RUFY3: variants seen among roughly 807,000 people sequenced by gnomAD.
RUFY3 encodes RUN and FYVE domain containing 3.
A neutral mutation model predicts 84.0 loss-of-function variants in RUFY3; 34 were observed. The observed-to-expected ratio is 0.40, with a 90% CI of 0.31 to 0.54. The LOEUF is 0.54. Ranked by LOEUF, RUFY3 falls within the 20% of genes least tolerant of loss-of-function variation. The pLI, the probability that RUFY3 is intolerant of heterozygous loss-of-function variation, is 0.39. For missense variants in RUFY3, 507 were observed against 736.8 expected, an observed-to-expected ratio of 0.69 and a Z score of 3.61; for synonymous variants, 242 against 252.9, an observed-to-expected ratio of 0.96 and a Z score of 0.41.
At position 70,763,592 on chromosome 4, in the gene RUFY3, G is replaced by T; in HGVS notation, c.393G>T (p.Gly131=). The change falls in exon 3 of 18, where the codon GGG becomes GGT. Residue 131 remains glycine, a synonymous_variant. Coordinates refer to ENST00000381006, the MANE Select transcript of RUFY3 (RefSeq NM_001037442.4). Reference sequence around the variant, plus strand: ...TCGGACAAAATAAATCCTTCTGGGGGCCTCTAGAACTGGTAGAAAAGCTTG... The same window carrying T: ...TCGGACAAAATAAATCCTTCTGGGGTCCTCTAGAACTGGTAGAAAAGCTTG... The part of the protein sequence containing the change: ...TFLGQNKSFW[G]PLELVEKLVP... The T allele has an allele frequency of 6.2e-7, 1 of 1,612,658 alleles. No individual in the cohort carries two copies. Among genetic ancestry groups the T allele is most frequent in the South Asian group, 1.1e-5 (1 of 90,804 alleles).
chr4:70,780,539 C>T (rs987799018), intron 8 of RUFY3, among the ~76,000 whole-genome samples: 2 of 152,098 alleles, frequency 1.3e-5, no homozygotes, highest in Non-Finnish European at 2.9e-5. Flanking sequence ...GTGATCCACC[C>T]GCCTCGGCCT....
chr4:70,733,137 G>GGAGAGAGAGAGAGAGA, intron 1 of RUFY3, among the ~76,000 whole-genome samples: 1 of 86,632 alleles, frequency 1.2e-5, no homozygotes, highest in Non-Finnish European at 2.2e-5. Context: ...AGGGAGGGAG[G>GGAGAGAGAGAGAGAGA]GAGAGAGAGA....
At chr4:70,714,331 A>G (rs1281409540) in intron 1 of RUFY3, among the ~76,000 whole-genome samples, 1 of 152,242 alleles carries the variant, frequency 6.6e-6, no homozygotes, top group Non-Finnish European at 1.5e-5. Flanking sequence ...AAGAGTCACC[A>G]ATCTGATAGA....
chr4:70,792,062 T>G (rs1215030222), intron 12 of RUFY3: 8 of 985,554 alleles, frequency 8.1e-6, no homozygotes, highest in Non-Finnish European at 9.6e-6. Context: ...GCCGTTTTCC[T>G]GCAATTCCGC....
chr4:70,770,264 C>T (rs1055665123), intron 5 of RUFY3, among the ~76,000 whole-genome samples: 3 of 152,220 alleles, frequency 2.0e-5, no homozygotes, highest in Non-Finnish European at 2.9e-5. Context: ...TCAGTCTGTC[C>T]TTTGCAGCTT....
chr4:70,753,146 G>A (rs1183499301), intron 1 of RUFY3, among the ~76,000 whole-genome samples: 1 of 152,048 alleles, frequency 6.6e-6, no homozygotes, highest in Non-Finnish European at 1.5e-5. Context: ...CTAAGAAATT[G>A]TCCATTTTGT....
intron 6 of RUFY3, among the ~76,000 whole-genome samples, chr4:70,774,644 A>AAAAATATATAT (rs1553916771): frequency 1.2e-4 from 7 of 56,676 alleles, no homozygotes; most frequent in African/African-American, 1.7e-4. Context: ...AAAAAAAAAA[A>AAAAATATATAT]ATATATATAT....
At chr4:70,737,688 T>G (rs1048931959) in intron 1 of RUFY3, among the ~76,000 whole-genome samples, 3 of 151,366 alleles carry the variant, frequency 2.0e-5, no homozygotes, top group Non-Finnish European at 4.4e-5. Context: ...TTTTTTTTTT[T>G]TTTTTTGAGA....
At chr4:70,717,944 G>A (rs1296050252), upstream of RUFY3, among the ~76,000 whole-genome samples, 9 of 143,756 alleles carry the variant, frequency 6.3e-5, no homozygotes, top group South Asian at 2.2e-4. Context: ...GTGCAGTGGC[G>A]CGATCTTGGC....
At chr4:70,769,719 TTGC>T (rs1265523965) in intron 5 of RUFY3, among the ~76,000 whole-genome samples, 8 of 152,248 alleles carry the variant, frequency 5.3e-5, no homozygotes, top group Non-Finnish European at 1.2e-4. Context: ...CTCTCAAATC[TTGC>T]TGCTGCTTTA....
intron 14 of RUFY3, chr4:70,799,620 G>C (rs1485574944): frequency 3.3e-5 from 5 of 153,102 alleles, no homozygotes; most frequent in Admixed American, 6.5e-5. Context: ...CTTGAACCCG[G>C]GAGGCAGAGG....
chr4:70,726,738 G>C (rs964922661), intron 1 of RUFY3, among the ~76,000 whole-genome samples: 1 of 152,182 alleles, frequency 6.6e-6, no homozygotes, highest in African/African-American at 2.4e-5. Context: ...TACTTTTCCA[G>C]ATTACATATC....
chr4:70,717,739 T>C (rs1470847313), upstream of RUFY3, among the ~76,000 whole-genome samples: 1 of 152,072 alleles, frequency 6.6e-6, no homozygotes, highest in Non-Finnish European at 1.5e-5. Flanking sequence ...CAGAAGTAGC[T>C]TGGAGTAACA....
chr4:70,757,407 C>A (rs1389145178), intron 1 of RUFY3, among the ~76,000 whole-genome samples: 1 of 152,072 alleles, frequency 6.6e-6, no homozygotes, highest in East Asian at 1.9e-4. Flanking sequence ...GAGTTTGAGA[C>A]CAGCCTGACC....
chr4:70,763,761 ATTTAT>A lies in RUFY3; in HGVS notation c.470+98_470+102del, dbSNP rs1725403746. The A allele has an allele frequency of 4.1e-6, 6 of 1,454,954 alleles. No homozygotes were observed. The African/African-American group carries it at 5.7e-5, about 14-fold the overall frequency. The allele number at this position is 1,454,954 out of a possible 1,614,324, so 90.1% of individuals were successfully genotyped here. A position where few individuals can be genotyped will look rare whatever the true frequency, so the allele number is the denominator to read the frequency against. On this transcript the variant is annotated intron_variant, in intron 3 of 17. Transcript: ENST00000381006. ...GACTAAAGACAATTATGTACGAATAATTTATTTTATAACAATCCAAAATGCATGAT... is the reference window on the plus strand; with the variant it reads ...GACTAAAGACAATTATGTACGAATAATTTATAACAATCCAAAATGCATGAT...
In RUFY3 at chr4:70,722,528, A is replaced by AGTGT; in HGVS notation, c.-37_-34dup. On this transcript the variant is annotated 5_prime_UTR_variant, in exon 1 of 18. Transcript: ENST00000381006. ...TTTATTTTTTTGGTGTGTGTGTGTG[A>AGTGT]GTGTGTGTGTGTCTGTGTGTGTGTT... 4 of 1,540,072 alleles carry AGTGT rather than the reference A, an allele frequency of 2.6e-6. No homozygotes were observed. Among genetic ancestry groups the AGTGT allele is most frequent in the Non-Finnish European group, 3.5e-6 (4 of 1,138,240 alleles).
chr4:70,713,588 G>GCTTCCTACAC (rs1741245479), intron 1 of RUFY3, among the ~76,000 whole-genome samples: 1 of 152,164 alleles, frequency 6.6e-6, no homozygotes, highest in South Asian at 2.1e-4. Context: ...AAAGGTGTGG[G>GCTTCCTACAC]AACCTTATGA....
intron 1 of RUFY3, among the ~76,000 whole-genome samples, chr4:70,737,498 C>T (rs1309050465): frequency 2.6e-5 from 4 of 152,088 alleles, no homozygotes; most frequent in Non-Finnish European, 4.4e-5. Context: ...ATCTTAGAGA[C>T]ATTATCTCTG....
chr4:70,791,724 CT>C, intron 12 of RUFY3: 1 of 998,334 alleles, frequency 1.0e-6, no homozygotes, highest in Non-Finnish European at 1.2e-6. Flanking sequence ...TGTGATGAAC[CT>C]AGAGGTAACT....
Sources: allele counts gnomAD v4.1 joint callset (sites outside exome capture counted in the v4.1 genomes callset), GRCh38; gene constraint gnomAD v4.1.1; transcripts MANE v1.5; gene names NCBI Gene and HGNC (gene_info 2026-07-23, HGNC 2026-07-21).